LHFPL3: variants seen among roughly 807,000 people sequenced by gnomAD.
LHFPL3 encodes LHFPL tetraspan subfamily member 3 protein.
Under a neutral mutation model 19.3 loss-of-function variants are expected in LHFPL3, and 5 were observed. That is an observed-to-expected ratio of 0.26 (90% CI 0.14 to 0.54). The LOEUF is 0.54. Ranked by LOEUF, LHFPL3 falls within the 20% of genes least tolerant of loss-of-function variation. The pLI is 0.94. For missense variants in LHFPL3, 249 were observed against 307.4 expected (o/e 0.81, Z 1.42); for synonymous variants, 133 against 126.2 (o/e 1.05, Z -0.36).
chr7:104,610,986 G>A (rs373344874), intron 1 of LHFPL3, among the ~76,000 whole-genome samples: 13 of 152,066 alleles, frequency 8.5e-5, no homozygotes, highest in African/African-American at 1.7e-4. Flanking sequence ...AGCATGAATC[G>A]GTTGACTCCT....
At chr7:104,684,904 C>A (rs539376300) in intron 1 of LHFPL3, among the ~76,000 whole-genome samples, 11 of 152,342 alleles carry the variant, frequency 7.2e-5, no homozygotes, top group African/African-American at 2.4e-4. Flanking sequence ...CCGCCCAGGG[C>A]ACCACTTGCC....
At chr7:104,357,896 A>G (rs1008390130) in intron 1 of LHFPL3, among the ~76,000 whole-genome samples, 5 of 152,202 alleles carry the variant, frequency 3.3e-5, no homozygotes, top group African/African-American at 1.2e-4. Flanking sequence ...ATATGGCAAC[A>G]GCTAAATTAG....
chr7:104,745,616 C>T (rs1403219059), intron 2 of LHFPL3, among the ~76,000 whole-genome samples: 1 of 152,196 alleles, frequency 6.6e-6, no homozygotes, highest in African/African-American at 2.4e-5. Flanking sequence ...CCAATCCCAT[C>T]TTCATTCATT....
Position 104,378,937 on chromosome 7 carries a change from T to C in LHFPL3, c.445+49713T>C, listed in dbSNP as rs190269921. Among the ~76,000 whole-genome samples, 110 of 152,346 alleles carry C rather than the reference T, an allele frequency of 7.2e-4. 1 individual carries two copies. Among genetic ancestry groups the C allele is most frequent in the African/African-American group, 2.5e-3 (106 of 41,596 alleles). On this transcript the variant is annotated intron_variant, in intron 1 of 2. Transcript: ENST00000424859. ...GTGATTTGCCTTTTCATTTTTTAAA[T>C]AGAGTCTTTCAAAGAGTTCAACTTA...
chr7:104,813,339 T>A (rs1172492727), intron 2 of LHFPL3, among the ~76,000 whole-genome samples: 1 of 152,178 alleles, frequency 6.6e-6, no homozygotes, highest in Non-Finnish European at 1.5e-5. Flanking sequence ...GAACTTAGCA[T>A]ATTGTTGGGT....
At chr7:104,680,320 G>A (rs1372429135) in intron 1 of LHFPL3, among the ~76,000 whole-genome samples, 3 of 152,132 alleles carry the variant, frequency 2.0e-5, no homozygotes, top group Admixed American at 2.0e-4. Context: ...TTCCTGATTG[G>A]CCTCCAAACT....
intron 1 of LHFPL3, among the ~76,000 whole-genome samples, chr7:104,532,530 TTC>T (rs1205132611): frequency 6.6e-6 from 1 of 152,094 alleles, no homozygotes; most frequent in Non-Finnish European, 1.5e-5. Context: ...GCACATAGAC[TTC>T]TCTTTCTTCT....
At chr7:104,496,017 G>A (rs916014216) in intron 1 of LHFPL3, among the ~76,000 whole-genome samples, 3 of 151,910 alleles carry the variant, frequency 2.0e-5, no homozygotes, top group African/African-American at 7.3e-5. Flanking sequence ...TGTGCACAAC[G>A]TGCAGGTTTG....
intron 1 of LHFPL3, among the ~76,000 whole-genome samples, chr7:104,331,074 C>G (rs562562029): frequency 2.0e-5 from 3 of 152,194 alleles, no homozygotes; most frequent in Non-Finnish European, 4.4e-5. Flanking sequence ...TCTAACCCCC[C>G]GCTTTTTGAA....
chr7:104,366,268 G>A (rs1301201968), intron 1 of LHFPL3, among the ~76,000 whole-genome samples: 1 of 152,206 alleles, frequency 6.6e-6, no homozygotes, highest in Non-Finnish European at 1.5e-5. Flanking sequence ...TTGAAATGGA[G>A]CAGGAATTGC....
At chr7:104,369,242 A>G (rs73193636) in intron 1 of LHFPL3, among the ~76,000 whole-genome samples, 4,340 of 152,300 alleles carry the variant, frequency 0.028, 89 homozygotes, top group Middle Eastern at 0.068. Context: ...TTCCACCTCT[A>G]GCCTCATGCA....
chr7:104,844,717 G>C (rs1791280896), intron 2 of LHFPL3, among the ~76,000 whole-genome samples: 1 of 152,160 alleles, frequency 6.6e-6, no homozygotes, highest in Non-Finnish European at 1.5e-5. Flanking sequence ...TTTCCTTGTA[G>C]AATAATAGAG....
chr7:104,397,780 C>A (rs1791221088), intron 1 of LHFPL3, among the ~76,000 whole-genome samples: 1 of 152,034 alleles, frequency 6.6e-6, no homozygotes, highest in Non-Finnish European at 1.5e-5. Flanking sequence ...GTGTTTAGTT[C>A]AAAAAGAAGG....
chr7:104,806,222 C>T (rs1315810113), intron 2 of LHFPL3, among the ~76,000 whole-genome samples: 1 of 152,204 alleles, frequency 6.6e-6, no homozygotes, highest in African/African-American at 2.4e-5. Context: ...GTATATGCCA[C>T]AAAGCATAAT....
chr7:104,666,306 C>G (rs780983090), intron 1 of LHFPL3, among the ~76,000 whole-genome samples: 9 of 151,792 alleles, frequency 5.9e-5, no homozygotes, highest in Non-Finnish European at 1.0e-4. Context: ...ATCAACTTCT[C>G]TTCATCCCTC....
intron 1 of LHFPL3, among the ~76,000 whole-genome samples, chr7:104,520,172 G>A (rs953631796): frequency 6.6e-6 from 1 of 151,964 alleles, no homozygotes. Flanking sequence ...GTTGAATTTT[G>A]TCAAAGGCCT....
At chr7:104,802,189 T>C (rs76966206) in intron 2 of LHFPL3, among the ~76,000 whole-genome samples, 2,061 of 152,142 alleles carry the variant, frequency 0.014, 48 homozygotes, top group African/African-American at 0.045. Flanking sequence ...ATGAATGGAA[T>C]TAGTGCCCTT....
chr7:104,496,332 G>C (rs1467025889), intron 1 of LHFPL3, among the ~76,000 whole-genome samples: 1 of 152,198 alleles, frequency 6.6e-6, no homozygotes, highest in African/African-American at 2.4e-5. Context: ...GTATTCCATG[G>C]TGTATATGTG....
At chr7:104,737,362 A>T (rs1275184266) in intron 2 of LHFPL3, among the ~76,000 whole-genome samples, 2 of 152,196 alleles carry the variant, frequency 1.3e-5, no homozygotes. Context: ...ATTTGTGATA[A>T]TTGAATTCAG....
Sources: allele counts gnomAD v4.1 joint callset (sites outside exome capture counted in the v4.1 genomes callset), GRCh38; gene constraint gnomAD v4.1.1; transcripts MANE v1.5; gene names NCBI Gene and HGNC (gene_info 2026-07-23, HGNC 2026-07-21).